COL5A2: variants seen among roughly 807,000 people sequenced by gnomAD.
The protein encoded by COL5A2 is collagen type V alpha 2 chain, also known as collagen alpha-2(V) chain.
Under a neutral mutation model 208.2 loss-of-function variants are expected in COL5A2, and 23 were observed. That is an observed-to-expected ratio of 0.11 (90% confidence interval 0.08 to 0.16). COL5A2 has a LOEUF of 0.16. Among genes scored for constraint, COL5A2 ranks in the 10% least tolerant of loss-of-function variants. The pLI is 1.00. For synonymous variants in COL5A2, 625 were observed against 628.5 expected (o/e 0.99, Z 0.08); for missense variants, 1,590 against 1,956.4 (o/e 0.81, Z 3.53).
At position 189,118,554 on chromosome 2, in the gene COL5A2, C is replaced by T. The variant is rs189020034; in HGVS notation, c.98-8105G>A. Reference sequence around the variant, plus strand: ...AGTTGAAATTTCTTTTACAATCCACCAAACATTCCACAGTTCTCAATGGCT... The same window carrying T: ...AGTTGAAATTTCTTTTACAATCCACTAAACATTCCACAGTTCTCAATGGCT... On this transcript the variant is annotated intron_variant, in intron 1 of 53. Coordinates refer to ENST00000374866, the MANE Select transcript of COL5A2 (RefSeq NM_000393.5). 1.6e-3 allele frequency among the ~76,000 whole-genome samples: 249 copies of T among 152,198 alleles called. 1 individual carries two copies. Among genetic ancestry groups the T allele is most frequent in the African/African-American group, 5.6e-3 (234 of 41,550 alleles).
chr2:189,249,941 C>G, the COL5A2 span, among the ~76,000 whole-genome samples: 470 of 152,256 alleles, frequency 3.1e-3, 2 homozygotes, highest in African/African-American at 0.01. Flanking sequence ...CAGGTGATCC[C>G]CCGGCCTCGG....
At chr2:189,297,516 GATAC>G in the COL5A2 span, among the ~76,000 whole-genome samples, 4 of 152,088 alleles carry the variant, frequency 2.6e-5, no homozygotes, top group East Asian at 1.9e-4. Flanking sequence ...TTTAAAAATT[GATAC>G]ATAGTGATTC....
chr2:189,440,850 C>T, the COL5A2 span, among the ~76,000 whole-genome samples: 1 of 152,206 alleles, frequency 6.6e-6, no homozygotes, highest in East Asian at 1.9e-4. Flanking sequence ...CGAGCAGCTA[C>T]ACTGAACGCT....
At chr2:189,213,648 G>A (rs1689243491) in intron 1 of COL5A2, among the ~76,000 whole-genome samples, 1 of 152,296 alleles carries the variant, frequency 6.6e-6, no homozygotes, top group Middle Eastern at 3.4e-3. Context: ...AAGGGAGGAG[G>A]ACTGGAGAGA....
rs1325318779 is a variant in COL5A2 at position 189,045,329 on chromosome 2, C to T, written c.3310-97G>A. ...TCAACAATACGTTTATAGTTGGATG[C>T]ATATATATATATGTGTGTGTGTGTG... On this transcript the variant is annotated intron_variant, in intron 46 of 53. Transcript: ENST00000374866. 18 of 703,286 alleles carry T rather than the reference C, an allele frequency of 2.6e-5. No homozygotes were observed. The East Asian group carries it at 4.9e-4, about 19-fold the overall frequency. 43.6% of individuals were successfully genotyped at this position (703,286 alleles called of 1,614,324 possible). A position where few individuals can be genotyped will look rare whatever the true frequency, so the allele number is the denominator to read the frequency against.
chr2:189,273,231 T>C, the COL5A2 span, among the ~76,000 whole-genome samples: 1 of 152,142 alleles, frequency 6.6e-6, no homozygotes. Context: ...TGTGACAGCC[T>C]ATGTGCTTTC....
At chr2:189,353,367 A>C in the COL5A2 span, among the ~76,000 whole-genome samples, 874 of 152,328 alleles carry the variant, frequency 5.7e-3, 13 homozygotes, top group African/African-American at 0.02. Flanking sequence ...AAGAATCTAT[A>C]AATTACTTTG....
chr2:189,139,462 C>A (rs927178127), intron 1 of COL5A2, among the ~76,000 whole-genome samples: 1 of 151,914 alleles, frequency 6.6e-6, no homozygotes, highest in African/African-American at 2.4e-5. Flanking sequence ...CCTGAAAAAT[C>A]GTCAAAATCC....
chr2:189,242,108 C>T, the COL5A2 span, among the ~76,000 whole-genome samples: 2 of 152,050 alleles, frequency 1.3e-5, no homozygotes, highest in African/African-American at 4.8e-5. Flanking sequence ...AGCCTATTAG[C>T]CTTGTCATAT....
intron 37 of COL5A2, 89 bp downstream of exon 37, chr2:189,053,806 G>A: frequency 2.6e-6 from 3 of 1,143,540 alleles, no homozygotes; most frequent in Non-Finnish European, 2.6e-6. Context: ...AAACCAATAA[G>A]CATTGTTTTA....
intron 3 of COL5A2, among the ~76,000 whole-genome samples, chr2:189,101,982 T>A (rs116685702): frequency 1.4e-3 from 209 of 152,074 alleles, no homozygotes; most frequent in Admixed American, 3.4e-3. Context: ...TTTTAAAAAA[T>A]ACAAAAATAA....
chr2:189,389,839 CCTT>C, the COL5A2 span, among the ~76,000 whole-genome samples: 1 of 152,096 alleles, frequency 6.6e-6, no homozygotes, highest in South Asian at 2.1e-4. Flanking sequence ...CTTCTTTTGA[CCTT>C]CTAGCATTAA....
At chr2:189,237,165 A>AT in the COL5A2 span, among the ~76,000 whole-genome samples, 2 of 151,660 alleles carry the variant, frequency 1.3e-5, no homozygotes, top group Admixed American at 6.6e-5. Flanking sequence ...TTCAAGAAAG[A>AT]TTTTTTTAAA....
At chr2:189,085,635 G>A (rs1686641189) in intron 10 of COL5A2, 84 bp downstream of exon 10, 1 of 1,171,110 alleles carries the variant, frequency 8.5e-7, no homozygotes, top group Non-Finnish European at 1.3e-6. Context: ...GGGAGGACCT[G>A]GGAAGATAAA....
intron 1 of COL5A2, among the ~76,000 whole-genome samples, chr2:189,195,799 T>C (rs1447063503): frequency 1.3e-5 from 2 of 152,160 alleles, no homozygotes; most frequent in African/African-American, 2.4e-5. Flanking sequence ...CCTTATGCCC[T>C]ATACAAAAAT....
At chr2:189,114,960 T>C (rs1348853260) in intron 1 of COL5A2, among the ~76,000 whole-genome samples, 1 of 152,064 alleles carries the variant, frequency 6.6e-6, no homozygotes, top group Non-Finnish European at 1.5e-5. Context: ...TTTTTTGCTG[T>C]TTATGTTTAA....
At chr2:189,092,472 T>C (rs1488949711) in intron 6 of COL5A2, 52 bp from the exon 7 acceptor site, 31 of 1,125,218 alleles carry the variant, frequency 2.8e-5, no homozygotes, top group Middle Eastern at 1.9e-4. Flanking sequence ...ATACACTTAG[T>C]AGAAAGCTAA....
At chr2:189,100,085 C>T (rs1362703366) in intron 4 of COL5A2, 22 bp downstream of exon 4, 2 of 1,585,358 alleles carry the variant, frequency 1.3e-6, no homozygotes, top group East Asian at 4.5e-5. Flanking sequence ...TACAAGGAAA[C>T]AATGATTATA....
At chr2:189,391,323 C>T in the COL5A2 span, among the ~76,000 whole-genome samples, 3 of 152,130 alleles carry the variant, frequency 2.0e-5, no homozygotes, top group African/African-American at 7.2e-5. Flanking sequence ...TTGAGCTGCA[C>T]ATGCTCTTAG....
Sources: allele counts gnomAD v4.1 joint callset (sites outside exome capture counted in the v4.1 genomes callset), GRCh38; gene constraint gnomAD v4.1.1; transcripts MANE v1.5; gene names NCBI Gene and HGNC (gene_info 2026-07-23, HGNC 2026-07-21).